The following SH3RF2 variants were observed in gnomAD, a reference collection of about 807,000 sequenced individuals.
SH3RF2 encodes the protein E3 ubiquitin-protein ligase SH3RF2.
A neutral mutation model predicts 59.0 loss-of-function variants in SH3RF2; 43 were observed. The ratio of observed to expected loss-of-function variants is 0.73; its 90% CI spans 0.57 to 0.94. The LOEUF (loss-of-function observed/expected upper bound fraction) is 0.94. Ranked by LOEUF, SH3RF2 falls within the 40% of genes least tolerant of loss-of-function variation. SH3RF2 has a pLI of 0.00. For missense variants in SH3RF2, 930 were observed against 940.1 expected (o/e 0.99, Z 0.14); for synonymous variants, 391 against 391.5 (o/e 1.00, Z 0.01).
At chr5:146,056,357 T>A (rs1022780732) in intron 8 of SH3RF2, 144 bp downstream of exon 8, 1 of 1,310,020 alleles carries the variant, frequency 7.6e-7, no homozygotes, top group African/African-American at 1.5e-5. Flanking sequence ...TCCCAAATGA[T>A]GAGTTTTATT....
chr5:146,068,568 G>A (rs947544334), intron 9 of SH3RF2, among the ~76,000 whole-genome samples: 3 of 152,214 alleles, frequency 2.0e-5, no homozygotes, highest in African/African-American at 7.2e-5. Flanking sequence ...CCAAACCAGA[G>A]ACGTTAACTC....
chr5:145,992,780 A>G (rs1298164124), intron 2 of SH3RF2, among the ~76,000 whole-genome samples: 1 of 152,138 alleles, frequency 6.6e-6, no homozygotes, highest in Non-Finnish European at 1.5e-5. Flanking sequence ...CTCCCACAAC[A>G]TGTGGGAATT....
intron 2 of SH3RF2, among the ~76,000 whole-genome samples, chr5:145,968,994 A>AT (rs990426157): frequency 3.9e-5 from 6 of 152,026 alleles, no homozygotes; most frequent in Admixed American, 6.6e-5. Context: ...AATTATATAC[A>AT]TTTTTTTTAA....
intron 5 of SH3RF2, among the ~76,000 whole-genome samples, chr5:146,047,548 G>A (rs1015415812): frequency 2.0e-5 from 3 of 152,014 alleles, no homozygotes; most frequent in Non-Finnish European, 2.9e-5. Context: ...GCAGGCTTTT[G>A]GAATGCAGTC....
At chr5:146,018,690 C>A (rs1294781634) in intron 5 of SH3RF2, among the ~76,000 whole-genome samples, 3 of 152,048 alleles carry the variant, frequency 2.0e-5, no homozygotes, top group Non-Finnish European at 4.4e-5. Flanking sequence ...ATTTTCAGTT[C>A]TTTGAGAGAG....
rs1017869376 is a variant in SH3RF2 at position 145,997,649 on chromosome 5, A to G, written c.379-2409A>G. On this transcript the variant is annotated intron_variant, in intron 2 of 9. Transcript: ENST00000359120. ...CTCTGGGACTGGCCACTTTATGAGC[A>G]ACTGTTTGCTACCCAGTTCAGTCAG... is the stretch of plus-strand genomic sequence containing the variant. 4 of 1,574,076 alleles carry G rather than the reference A, an allele frequency of 2.5e-6. No homozygotes were observed. In the African/African-American group the frequency reaches 4.1e-5, roughly 16 times the overall value.
intron 2 of SH3RF2, among the ~76,000 whole-genome samples, chr5:145,993,359 C>T (rs1760025822): frequency 6.6e-6 from 1 of 152,158 alleles, no homozygotes. Context: ...GCCGTCTTCT[C>T]ACAGCTCCAC....
chr5:146,031,046 T>G (rs1702734750), intron 5 of SH3RF2, among the ~76,000 whole-genome samples: 1 of 152,170 alleles, frequency 6.6e-6, no homozygotes, highest in African/African-American at 2.4e-5. Flanking sequence ...CCTCCTCTGG[T>G]CTAGCCACTT....
intron 4 of SH3RF2, among the ~76,000 whole-genome samples, chr5:146,007,580 A>T (rs1760698627): frequency 6.6e-6 from 1 of 152,106 alleles, no homozygotes; most frequent in Admixed American, 6.6e-5. Flanking sequence ...TTATCTTGAG[A>T]TTCTTCTTCA....
intron 8 of SH3RF2, 88 bp from the exon 9 acceptor site, chr5:146,059,778 G>T: frequency 1.1e-6 from 1 of 896,646 alleles, no homozygotes; most frequent in Non-Finnish European, 1.6e-6. Flanking sequence ...GTCTATTCTG[G>T]GATATCAGGA....
At chr5:146,053,506 C>A (rs1291324305) in intron 7 of SH3RF2, among the ~76,000 whole-genome samples, 1 of 152,044 alleles carries the variant, frequency 6.6e-6, no homozygotes, top group African/African-American at 2.4e-5. Flanking sequence ...AGCTAAGGGT[C>A]AGTCTCAGCC....
intron 2 of SH3RF2, among the ~76,000 whole-genome samples, chr5:145,975,158 T>G (rs1366023089): frequency 1.3e-5 from 2 of 152,214 alleles, no homozygotes; most frequent in Non-Finnish European, 2.9e-5. Context: ...GGCCAGGGCC[T>G]GAGTTTGTTT....
At chr5:146,049,364 T>A (rs1762414852) in intron 7 of SH3RF2, 119 bp downstream of exon 7, 2 of 1,183,850 alleles carry the variant, frequency 1.7e-6, no homozygotes, top group Admixed American at 5.0e-5. Flanking sequence ...AGAAAGCGCT[T>A]TTTGCTCTAT....
intron 1 of SH3RF2, among the ~76,000 whole-genome samples, chr5:145,937,483 C>G (rs947604617): frequency 3.3e-5 from 5 of 152,098 alleles, no homozygotes; most frequent in African/African-American, 1.2e-4. Flanking sequence ...TTGAGACTGT[C>G]CAGGAGCTTT....
chr5:146,064,767 G>GAAAGA (rs201255080), downstream of SH3RF2, among the ~76,000 whole-genome samples: 146 of 26,350 alleles, frequency 5.5e-3, 8 homozygotes, highest in African/African-American at 0.016. Flanking sequence ...AGGAAGGAAG[G>GAAAGA]AAGGAAGGAA....
intron 7 of SH3RF2, among the ~76,000 whole-genome samples, chr5:146,053,868 G>C (rs1762581275): frequency 6.6e-6 from 1 of 152,184 alleles, no homozygotes; most frequent in Non-Finnish European, 1.5e-5. Flanking sequence ...AGATCCAACT[G>C]TTCTCCTTAC....
At chr5:145,996,009 T>C (rs974529370) in intron 2 of SH3RF2, among the ~76,000 whole-genome samples, 6 of 152,230 alleles carry the variant, frequency 3.9e-5, no homozygotes, top group Admixed American at 3.9e-4. Context: ...CATATATCTT[T>C]GCTCATTTGT....
At chr5:145,991,886 GC>G (rs1451874011) in intron 2 of SH3RF2, among the ~76,000 whole-genome samples, 1 of 152,130 alleles carries the variant, frequency 6.6e-6, no homozygotes, top group Non-Finnish European at 1.5e-5. Context: ...TCCATTCATT[GC>G]CCCCATTTGA....
At chr5:146,076,742 G>A (rs1196680484) in intron 9 of SH3RF2, among the ~76,000 whole-genome samples, 4 of 152,142 alleles carry the variant, frequency 2.6e-5, no homozygotes, top group South Asian at 2.1e-4. Flanking sequence ...GCCCAGATGT[G>A]GTTGTCTGCT....
Sources: allele counts gnomAD v4.1 joint callset (sites outside exome capture counted in the v4.1 genomes callset), GRCh38; gene constraint gnomAD v4.1.1; transcripts MANE v1.5; gene names NCBI Gene and HGNC (gene_info 2026-07-23, HGNC 2026-07-21).